Variants in PKNOX2 observed in about 807,000 individuals in gnomAD.
The protein encoded by PKNOX2 is PBX/knotted 1 homeobox 2.
A neutral mutation model predicts 53.1 loss-of-function variants in PKNOX2; 14 were observed. The ratio of observed to expected loss-of-function variants is 0.26; its 90% CI spans 0.17 to 0.41. PKNOX2 has a LOEUF of 0.41. Ranked by LOEUF, PKNOX2 falls within the 10% of genes least tolerant of loss-of-function variation. PKNOX2 has a pLI of 1.00. For missense variants in PKNOX2, 496 were observed against 602.8 expected (o/e 0.82, Z 1.85); for synonymous variants, 257 against 242.8 (o/e 1.06, Z -0.54).
intron 2 of PKNOX2, among the ~76,000 whole-genome samples, chr11:125,239,097 G>A (rs1417914017): frequency 6.6e-6 from 1 of 152,234 alleles, no homozygotes; most frequent in Admixed American, 6.5e-5. Context: ...TAAATAAAAA[G>A]TGGAGTTGGA....
chr11:125,262,453 G>A lies in PKNOX2; in HGVS notation c.-130+27338G>A, dbSNP rs150349045. 3.4e-3 allele frequency among the ~76,000 whole-genome samples: 510 copies of A among 152,090 alleles called. 2 individuals are homozygous for A. Among genetic ancestry groups the A allele is most frequent in the African/African-American group, 0.011 (475 of 41,476 alleles). ...TCCCGTCGCAGATTAGCCCACTTGA[G>A]TCTAGAAGTGCCACATCACGGTGGG... On this transcript the variant is annotated intron_variant, in intron 2 of 12. Transcript: ENST00000298282.
intron 7 of PKNOX2, among the ~76,000 whole-genome samples, chr11:125,405,920 G>A (rs1021109958): frequency 5.9e-5 from 9 of 152,182 alleles, no homozygotes; most frequent in Non-Finnish European, 4.4e-5. Flanking sequence ...GGAACAAAAC[G>A]AACAGAATTC....
rs986684018 is a variant in PKNOX2, at chr11:125,281,142, G to T, written c.-130+46027G>T. The stretch of plus-strand genomic sequence containing the variant: ...CTCAGCTTTGTCTGGAGCTCAGGCC[G>T]CTTGCTAGGGCCATGCCTCCCCTCT... On this transcript the variant is annotated intron_variant, in intron 2 of 12. Coordinates refer to ENST00000298282, the MANE Select transcript of PKNOX2 (RefSeq NM_001382323.2). Among the ~76,000 whole-genome samples the T allele has an allele frequency of 7.2e-5, 11 of 152,208 alleles. No individual in the cohort carries two copies. The South Asian group carries it at 1.2e-3, about 17-fold the overall frequency.
intron 2 of PKNOX2, among the ~76,000 whole-genome samples, chr11:125,285,999 G>T (rs1946872061): frequency 1.3e-5 from 2 of 152,170 alleles, no homozygotes; most frequent in African/African-American, 2.4e-5. Context: ...ATTCCAGAAA[G>T]CCAGCTGTTA....
chr11:125,271,320 A>G (rs370025799), intron 2 of PKNOX2, among the ~76,000 whole-genome samples: 1 of 152,178 alleles, frequency 6.6e-6, no homozygotes, highest in African/African-American at 2.4e-5. Context: ...GTAATACCAG[A>G]TTTCCATTTG....
intron 2 of PKNOX2, among the ~76,000 whole-genome samples, chr11:125,244,800 G>C (rs1943432944): frequency 6.6e-6 from 1 of 152,196 alleles, no homozygotes; most frequent in African/African-American, 2.4e-5. Context: ...ATTAGGCTAG[G>C]TTGGGGTGAG....
chr11:125,336,382 T>C (rs1950432063), intron 3 of PKNOX2, among the ~76,000 whole-genome samples: 1 of 151,950 alleles, frequency 6.6e-6, no homozygotes, highest in Admixed American at 6.6e-5. Flanking sequence ...GCTATGAAAG[T>C]TGAGGAAATT....
intron 5 of PKNOX2, among the ~76,000 whole-genome samples, chr11:125,378,478 G>A (rs1952976055): frequency 6.6e-6 from 1 of 152,204 alleles, no homozygotes; most frequent in Admixed American, 6.5e-5. Context: ...GTCCCCATTG[G>A]AAGAAGCAGC....
At chr11:125,220,801 G>T (rs977636938) in intron 1 of PKNOX2, among the ~76,000 whole-genome samples, 1 of 152,180 alleles carries the variant, frequency 6.6e-6, no homozygotes, top group Non-Finnish European at 1.5e-5. Context: ...TAGCACTAGG[G>T]ACAGGGTGGA....
At chr11:125,376,106 A>G (rs1952822308) in intron 5 of PKNOX2, among the ~76,000 whole-genome samples, 1 of 152,118 alleles carries the variant, frequency 6.6e-6, no homozygotes, top group South Asian at 2.1e-4. Context: ...GTGTGCGTGC[A>G]TGTGTCTGAA....
chr11:125,247,535 C>A (rs34052907), intron 2 of PKNOX2, among the ~76,000 whole-genome samples: 44,348 of 152,080 alleles, frequency 0.29, 6,758 homozygotes, highest in Non-Finnish European at 0.33. Context: ...TCCACAGCAG[C>A]AGAGAATGCT....
At chr11:125,243,539 C>T (rs1157992088) in intron 2 of PKNOX2, among the ~76,000 whole-genome samples, 2 of 152,194 alleles carry the variant, frequency 1.3e-5, no homozygotes, top group East Asian at 3.8e-4. Context: ...ACCTCTTGTG[C>T]CATAGTTGCT....
chr11:125,421,379 G>A lies in PKNOX2; in HGVS notation c.937-7633G>A, dbSNP rs554637452. Among the ~76,000 whole-genome samples the A allele has an allele frequency of 7.2e-5, 11 of 152,346 alleles. No individual in the cohort carries two copies. The South Asian group carries it at 1.7e-3, about 23-fold the overall frequency. On this transcript the variant is annotated intron_variant, in intron 10 of 12. Coordinates refer to ENST00000298282, the MANE Select transcript of PKNOX2 (RefSeq NM_001382323.2). ...GAAGCATGTCATGTGAGGAGCGGCT[G>A]AGGGGTCTGGGGATATCTTGCCTGC...
intron 2 of PKNOX2, among the ~76,000 whole-genome samples, chr11:125,269,290 G>T (rs369000799): frequency 1.3e-5 from 2 of 151,926 alleles, no homozygotes; most frequent in Non-Finnish European, 2.9e-5. Context: ...AAGTGAGACC[G>T]CAGGTATTCA....
At chr11:125,167,153 G>A (rs1027134348) in intron 1 of PKNOX2, among the ~76,000 whole-genome samples, 2 of 141,452 alleles carry the variant, frequency 1.4e-5, no homozygotes, top group Admixed American at 7.0e-5. Flanking sequence ...GACCAGGGAG[G>A]TAGGTTATTC....
At chr11:125,305,496 G>A (rs895514937) in intron 2 of PKNOX2, among the ~76,000 whole-genome samples, 3 of 152,156 alleles carry the variant, frequency 2.0e-5, no homozygotes, top group South Asian at 4.1e-4. Flanking sequence ...CCAGGTCAGA[G>A]GCACTTGCAG....
At chr11:125,204,048 G>A (rs540516097) in intron 1 of PKNOX2, among the ~76,000 whole-genome samples, 4 of 152,168 alleles carry the variant, frequency 2.6e-5, no homozygotes, top group Non-Finnish European at 4.4e-5. Context: ...GTGTGGAGAG[G>A]GGGGAGGCAG....
intron 2 of PKNOX2, among the ~76,000 whole-genome samples, chr11:125,282,884 G>GC (rs1946656227): frequency 6.6e-6 from 1 of 152,226 alleles, no homozygotes; most frequent in Admixed American, 6.5e-5. Context: ...GGGCATGCTG[G>GC]CCCATGCCTG....
chr11:125,194,421 G>A (rs183687966), intron 1 of PKNOX2, among the ~76,000 whole-genome samples: 101 of 152,272 alleles, frequency 6.6e-4, no homozygotes, highest in African/African-American at 2.3e-3. Context: ...GCAGGTGCTG[G>A]GGGATTCACA....
Sources: gnomAD v4.1 joint callset for allele counts (sites outside exome capture counted in the v4.1 genomes callset) on GRCh38, gnomAD v4.1.1 for gene constraint, MANE v1.5 for transcripts, NCBI Gene and HGNC (gene_info 2026-07-23, HGNC 2026-07-21) for gene names.